The following OR10R2 variants were observed in gnomAD, a reference collection of about 807,000 sequenced individuals.
The protein encoded by OR10R2 is olfactory receptor 10R2.
OR10R2 carries 1 observed loss-of-function variant against 2.4 expected under a neutral mutation model. That is an observed-to-expected ratio of 0.41 (90% CI 0.15 to 1.95). OR10R2 has a LOEUF of 1.95. OR10R2 is among the 30% of genes most tolerant of loss of function. The probability of loss-of-function intolerance (pLI) is 0.30; values close to 1 mark genes in which losing one functional copy is unlikely to be tolerated. For synonymous variants in OR10R2, 166 were observed against 144.8 expected, an observed-to-expected ratio of 1.15 and a Z score of -1.05; for missense variants, 419 against 373.0, an observed-to-expected ratio of 1.12 and a Z score of -1.01.
exon 2 of OR10R2, chr1:158,480,215 C>T (rs1473402343): frequency 1.2e-6 from 2 of 1,613,986 alleles, no homozygotes; most frequent in Admixed American, 3.3e-5. Context: ...AGGACAATCT[C>T]CTTCAACTGT....
chr1:158,473,281 T>C (rs979702536), intron 1 of OR10R2, among the ~76,000 whole-genome samples: 1 of 152,176 alleles, frequency 6.6e-6, no homozygotes, highest in African/African-American at 2.4e-5. Flanking sequence ...ACGGAAACTT[T>C]TGTCAAATGA....
chr1:158,478,552 A>G (rs955359944), intron 1 of OR10R2, among the ~76,000 whole-genome samples: 2 of 152,108 alleles, frequency 1.3e-5, no homozygotes, highest in Non-Finnish European at 2.9e-5. Context: ...TTGACTATTT[A>G]CTGCAGAAAA....
At chr1:158,478,470 A>C (rs1042649443) in intron 1 of OR10R2, among the ~76,000 whole-genome samples, 1 of 152,200 alleles carries the variant, frequency 6.6e-6, no homozygotes, top group African/African-American at 2.4e-5. Context: ...CTGACTAAAA[A>C]GTATTCTTGT....
At chr1:158,480,335 C>G (rs755373379) in exon 2 of OR10R2, 2 of 1,614,112 alleles carry the variant, frequency 1.2e-6, no homozygotes, top group Non-Finnish European at 1.7e-6. Context: ...CTGCATTACC[C>G]CACTCTTATG....
exon 2 of OR10R2, chr1:158,479,960 T>A (rs1269686532): frequency 6.2e-7 from 1 of 1,613,832 alleles, no homozygotes. Context: ...AACCTCACCA[T>A]GGTCACCGAA....
At chr1:158,480,354 G>C (rs1249773388) in exon 2 of OR10R2, 2 of 1,614,094 alleles carry the variant, frequency 1.2e-6, no homozygotes, top group South Asian at 2.2e-5. Context: ...TGAGCTGGCA[G>C]GTGTGTGGAA....
At chr1:158,476,700 A>G (rs1420258332) in intron 1 of OR10R2, among the ~76,000 whole-genome samples, 2 of 152,200 alleles carry the variant, frequency 1.3e-5, no homozygotes, top group Non-Finnish European at 2.9e-5. Context: ...TTGGATAGTC[A>G]TGAATATGAA....
chr1:158,477,303 C>T (rs535480619), intron 1 of OR10R2, among the ~76,000 whole-genome samples: 1 of 152,256 alleles, frequency 6.6e-6, no homozygotes, highest in East Asian at 1.9e-4. Flanking sequence ...CTTACCACTC[C>T]TATTCAAGGC....
chr1:158,480,904 AT>A (rs1557877444), exon 2 of OR10R2: 2 of 1,123,428 alleles, frequency 1.8e-6, no homozygotes, highest in Non-Finnish European at 1.3e-6. Context: ...TACATTTTAG[AT>A]TTCTTAATAA....
chr1:158,476,408 C>A (rs555803656), intron 1 of OR10R2, among the ~76,000 whole-genome samples: 2 of 151,542 alleles, frequency 1.3e-5, no homozygotes, highest in African/African-American at 4.8e-5. Context: ...ATTAGCTGGG[C>A]GTGGTGGCAG....
At chr1:158,479,112 T>TA (rs1465049819) in intron 1 of OR10R2, among the ~76,000 whole-genome samples, 2 of 152,166 alleles carry the variant, frequency 1.3e-5, no homozygotes, top group Non-Finnish European at 2.9e-5. Flanking sequence ...CAGAAACACT[T>TA]AAAGATCCTA....
intron 1 of OR10R2, 57 bp downstream of exon 1, chr1:158,472,409 A>G (rs1656182812): frequency 7.5e-6 from 3 of 398,976 alleles, no homozygotes; most frequent in East Asian, 3.6e-5. Flanking sequence ...AAGATGTGTA[A>G]TATATTGGGA....
chr1:158,480,436 C>G (rs1177806949), exon 2 of OR10R2: 3 of 1,613,944 alleles, frequency 1.9e-6, no homozygotes, highest in African/African-American at 1.3e-5. Flanking sequence ...TTTCAGCCTC[C>G]CTTTTTGTAG....
chr1:158,477,922 T>A (rs1656300417), intron 1 of OR10R2, among the ~76,000 whole-genome samples: 1 of 152,106 alleles, frequency 6.6e-6, no homozygotes, highest in African/African-American at 2.4e-5. Flanking sequence ...AACGTTACAG[T>A]AACCCAAACA....
intron 1 of OR10R2, among the ~76,000 whole-genome samples, chr1:158,473,510 G>A (rs1315148512): frequency 6.6e-6 from 1 of 152,132 alleles, no homozygotes; most frequent in East Asian, 1.9e-4. Flanking sequence ...TTGGAAACCT[G>A]ACTTACAGGG....
chr1:158,479,730 G>T, intron 1 of OR10R2: 1 of 605,818 alleles, frequency 1.7e-6, no homozygotes, highest in Non-Finnish European at 2.9e-6. Context: ...GAATCAGAAA[G>T]TCAGAGAAAG....
In OR10R2 at chr1:158,478,893, A is replaced by G. The variant is rs1277554733; in HGVS notation, c.28-1045A>G. On this transcript the variant is annotated intron_variant, in intron 1 of 1. Coordinates refer to ENST00000641067, the Ensembl canonical transcript of OR10R2. The stretch of plus-strand genomic sequence containing the variant: ...AAGTGATATTAACCTAATTCAATCC[A>G]TCTATATTGAGCTCAACAGAACCTA... Among the ~76,000 whole-genome samples the G allele has an allele frequency of 2.6e-5, 4 of 152,126 alleles. No homozygotes were observed. In the East Asian group the frequency reaches 7.7e-4, roughly 29 times the overall value.
rs118031533 is a variant in OR10R2 at position 158,477,589 on chromosome 1, C to A, written c.28-2349C>A. On this transcript the variant is annotated intron_variant, in intron 1 of 1. Coordinates refer to ENST00000641067, the Ensembl canonical transcript of OR10R2. ...GAAAATAAAATATCTAGAAATGCACCTAATAAAAGAGGAGAAAGGTCTCTA... is the reference window on the plus strand; with the variant it reads ...GAAAATAAAATATCTAGAAATGCACATAATAAAAGAGGAGAAAGGTCTCTA... 9.1e-4 allele frequency among the ~76,000 whole-genome samples: 138 copies of A among 151,848 alleles called. No homozygotes were observed. The East Asian group carries it at 0.027, about 29-fold the overall frequency.
chr1:158,474,644 T>G (rs1259041039), intron 1 of OR10R2: 1 of 152,208 alleles, frequency 6.6e-6, no homozygotes, highest in Non-Finnish European at 1.5e-5. Context: ...CCATTGAGTG[T>G]GTATTCTATT....
Sources: gnomAD v4.1 joint callset for allele counts (sites outside exome capture counted in the v4.1 genomes callset) on GRCh38, gnomAD v4.1.1 for gene constraint, MANE v1.5 for transcripts, NCBI Gene and HGNC (gene_info 2026-07-23, HGNC 2026-07-21) for gene names.